The following TMEM26 variants were observed in gnomAD, a reference collection of about 807,000 sequenced individuals.
The protein encoded by TMEM26 is transmembrane protein 26.
In TMEM26, 38 loss-of-function variants were observed where a neutral mutation model predicts 28.8. The observed-to-expected ratio is 1.32, with a 90% CI of 1.02 to 1.73. TMEM26 has a LOEUF of 1.73. Among genes scored for constraint, TMEM26 ranks in the 40% most tolerant of loss-of-function variants. The pLI, the probability that TMEM26 is intolerant of heterozygous loss-of-function variation, is 0.00. For synonymous variants in TMEM26, 227 were observed against 182.9 expected (o/e 1.24, Z -1.95); for missense variants, 518 against 447.1 (o/e 1.16, Z -1.43).
intron 4 of TMEM26, among the ~76,000 whole-genome samples, chr10:61,421,442 C>T (rs1435841192): frequency 6.6e-6 from 1 of 152,054 alleles, no homozygotes; most frequent in African/African-American, 2.4e-5. Context: ...CCATGTCTAC[C>T]CAATTCTCAG....
intron 1 of TMEM26, among the ~76,000 whole-genome samples, chr10:61,445,013 C>A (rs1444093297): frequency 1.3e-5 from 2 of 152,084 alleles, no homozygotes; most frequent in Non-Finnish European, 2.9e-5. Context: ...TCAGTTGTGA[C>A]CTTGGATAAA....
intron 1 of TMEM26, among the ~76,000 whole-genome samples, chr10:61,449,749 T>C (rs1409187177): frequency 2.0e-5 from 3 of 152,188 alleles, no homozygotes; most frequent in Non-Finnish European, 4.4e-5. Context: ...TTCTAATTTA[T>C]TCCTCTTTAT....
intron 4 of TMEM26, among the ~76,000 whole-genome samples, chr10:61,423,929 A>G (rs964947497): frequency 6.6e-6 from 1 of 152,202 alleles, no homozygotes; most frequent in Non-Finnish European, 1.5e-5. Flanking sequence ...AATTCCCAAT[A>G]ATCTAGAAAT....
chr10:61,424,026 A>G (rs1288367693), intron 4 of TMEM26, among the ~76,000 whole-genome samples: 1 of 152,206 alleles, frequency 6.6e-6, no homozygotes, highest in East Asian at 1.9e-4. Flanking sequence ...CAGAATGCTT[A>G]TCTTTTGAGA....
chr10:61,424,223 G>A (rs1009562390), intron 4 of TMEM26, among the ~76,000 whole-genome samples: 2 of 152,142 alleles, frequency 1.3e-5, no homozygotes, highest in Non-Finnish European at 2.9e-5. Flanking sequence ...GGCTGTGATA[G>A]TAGATCATCA....
intron 4 of TMEM26, among the ~76,000 whole-genome samples, chr10:61,426,797 G>A (rs937728888): frequency 2.0e-5 from 3 of 152,078 alleles, no homozygotes; most frequent in African/African-American, 4.8e-5. Flanking sequence ...AGCCTAAAAG[G>A]GAAGGCTTAT....
intron 2 of TMEM26, among the ~76,000 whole-genome samples, chr10:61,434,730 C>A (rs1485635346): frequency 6.6e-6 from 1 of 152,188 alleles, no homozygotes; most frequent in Admixed American, 6.5e-5. Flanking sequence ...ATTCTTGGTA[C>A]TTGCTTGTAG....
chr10:61,440,904 C>A (rs1039947682), intron 1 of TMEM26, among the ~76,000 whole-genome samples: 1 of 152,186 alleles, frequency 6.6e-6, no homozygotes, highest in Non-Finnish European at 1.5e-5. Context: ...TGCCTAACTT[C>A]TTTATATAAG....
chr10:61,422,267 A>G (rs962211658), intron 4 of TMEM26, among the ~76,000 whole-genome samples: 1 of 152,158 alleles, frequency 6.6e-6, no homozygotes, highest in Non-Finnish European at 1.5e-5. Flanking sequence ...CAAAATCAGT[A>G]AGGATACAGA....
At chr10:61,411,059 G>T (rs1042826697) in intron 5 of TMEM26, among the ~76,000 whole-genome samples, 1 of 152,168 alleles carries the variant, frequency 6.6e-6, no homozygotes, top group South Asian at 2.1e-4. Context: ...CTCCTTGTGA[G>T]GCTGAGGCTG....
At chr10:61,443,413 G>C (rs879591724) in intron 1 of TMEM26, among the ~76,000 whole-genome samples, 1 of 151,758 alleles carries the variant, frequency 6.6e-6, no homozygotes, top group Non-Finnish European at 1.5e-5. Flanking sequence ...AGCAGTGAGC[G>C]GAGATTGGGT....
intron 3 of TMEM26, 24 bp from the exon 4 acceptor site, chr10:61,429,170 G>T: frequency 6.3e-7 from 1 of 1,592,078 alleles, no homozygotes. Flanking sequence ...ATGTCATACA[G>T]ACAGGATTAT....
chr10:61,416,783 C>G (rs1323252372), intron 4 of TMEM26, among the ~76,000 whole-genome samples: 1 of 151,980 alleles, frequency 6.6e-6, no homozygotes, highest in African/African-American at 2.4e-5. Flanking sequence ...AGTAATTTTA[C>G]TAGTATGTCA....
intron 4 of TMEM26, among the ~76,000 whole-genome samples, chr10:61,417,338 G>A (rs1179174092): frequency 6.6e-6 from 1 of 151,892 alleles, no homozygotes; most frequent in Non-Finnish European, 1.5e-5. Context: ...TGGTATATCA[G>A]CACACTCAAT....
At chr10:61,413,386 T>C in intron 5 of TMEM26, 73 bp downstream of exon 5, 1 of 1,570,716 alleles carries the variant, frequency 6.4e-7, no homozygotes, top group Admixed American at 1.9e-5. Flanking sequence ...TCACTTGCCT[T>C]CTTAGTTTTA....
intron 2 of TMEM26, among the ~76,000 whole-genome samples, chr10:61,434,760 A>C (rs916794835): frequency 6.6e-6 from 1 of 152,212 alleles, no homozygotes; most frequent in Non-Finnish European, 1.5e-5. Context: ...AAAGTAGTCC[A>C]CAGAACTAAA....
chr10:61,449,569 G>A (rs1840242626), intron 1 of TMEM26, among the ~76,000 whole-genome samples: 1 of 152,106 alleles, frequency 6.6e-6, no homozygotes, highest in Non-Finnish European at 1.5e-5. Flanking sequence ...TCTGTAGATT[G>A]GACTCGTTTG....
intron 1 of TMEM26, among the ~76,000 whole-genome samples, chr10:61,437,892 C>T (rs993695473): frequency 6.6e-6 from 1 of 152,102 alleles, no homozygotes; most frequent in Non-Finnish European, 1.5e-5. Flanking sequence ...TATTAAAATG[C>T]TTTTAATACG....
chr10:61,424,345 T>A (rs1040395006), intron 4 of TMEM26, among the ~76,000 whole-genome samples: 8 of 152,228 alleles, frequency 5.3e-5, no homozygotes, highest in South Asian at 2.1e-4. Context: ...AGGAAATAGT[T>A]AAGAAAAGCA....
Sources: gnomAD v4.1 joint callset for allele counts (sites outside exome capture counted in the v4.1 genomes callset) on GRCh38, gnomAD v4.1.1 for gene constraint, MANE v1.5 for transcripts, NCBI Gene and HGNC (gene_info 2026-07-23, HGNC 2026-07-21) for gene names.